DTNA: variants seen among roughly 807,000 people sequenced by gnomAD.
DTNA encodes dystrophin-related protein 3.
In DTNA, 43 loss-of-function variants were observed where a neutral mutation model predicts 100.7. The ratio of observed to expected loss-of-function variants is 0.43; its 90% CI spans 0.33 to 0.55. The LOEUF (loss-of-function observed/expected upper bound fraction) is 0.55. Ranked by LOEUF, DTNA falls within the 20% of genes least tolerant of loss-of-function variation. The probability of loss-of-function intolerance (pLI) is 0.04; values close to 1 mark genes in which losing one functional copy is unlikely to be tolerated. For missense variants in DTNA, 798 were observed against 953.9 expected (o/e 0.84, Z 2.15); for synonymous variants, 349 against 347.9 (o/e 1.00, Z -0.04).
At chr18:34,827,440 G>A (rs1362816010) in intron 9 of DTNA, 153 bp from the exon 10 acceptor site, 1 of 736,080 alleles carries the variant, frequency 1.4e-6, no homozygotes, top group African/African-American at 1.7e-5. Context: ...AAACACTTAA[G>A]GAATTTAATT....
intron 16 of DTNA, among the ~76,000 whole-genome samples, chr18:34,859,279 C>T (rs547389882): frequency 7.2e-5 from 11 of 152,096 alleles, no homozygotes; most frequent in East Asian, 1.9e-4. Context: ...TTGGACAAAA[C>T]GCACAAACAA....
intron 13 of DTNA, among the ~76,000 whole-genome samples, chr18:34,842,964 C>G (rs148890316): frequency 1.3e-5 from 2 of 152,114 alleles, no homozygotes; most frequent in African/African-American, 4.8e-5. Context: ...GGGACCCTCT[C>G]CAACTTGTTC....
intron 1 of DTNA, among the ~76,000 whole-genome samples, chr18:34,592,462 T>A (rs533304960): frequency 4.4e-4 from 46 of 104,144 alleles, no homozygotes; most frequent in African/African-American, 1.8e-3. Context: ...GATATACACT[T>A]GTATAACACA....
At chr18:34,542,938 A>G (rs2044389871) in intron 1 of DTNA, among the ~76,000 whole-genome samples, 1 of 151,996 alleles carries the variant, frequency 6.6e-6, no homozygotes, top group South Asian at 2.1e-4. Context: ...ACATCATACT[A>G]ATGAAAAGTC....
At chr18:34,871,118 G>C (rs538619538) in intron 17 of DTNA, among the ~76,000 whole-genome samples, 1 of 152,206 alleles carries the variant, frequency 6.6e-6, no homozygotes, top group Non-Finnish European at 1.5e-5. Flanking sequence ...CTGAGAGGCA[G>C]ACTCTTCAGG....
intron 1 of DTNA, among the ~76,000 whole-genome samples, chr18:34,541,518 T>C (rs560003242): frequency 9.1e-4 from 139 of 152,068 alleles, no homozygotes; most frequent in African/African-American, 3.3e-3. Flanking sequence ...CCCAACAAGC[T>C]CTCTTGCCTG....
At chr18:34,806,133 C>G (rs1353240605) in intron 4 of DTNA, 86 bp from the exon 5 acceptor site, 12 of 1,168,292 alleles carry the variant, frequency 1.0e-5, no homozygotes, top group Non-Finnish European at 1.3e-5. Flanking sequence ...TAGAAAATGT[C>G]AAACCTTGTT....
At chr18:34,495,344 C>A (rs919771864) in intron 1 of DTNA, among the ~76,000 whole-genome samples, 1 of 152,186 alleles carries the variant, frequency 6.6e-6, no homozygotes, top group Non-Finnish European at 1.5e-5. Flanking sequence ...ATTAAAGTTG[C>A]ATGTCCTACA....
At position 34,871,514 on chromosome 18, in the gene DTNA, T is replaced by C. The variant is rs565181407; in HGVS notation, c.1744-3725T>C. 9.5e-4 allele frequency among the ~76,000 whole-genome samples: 145 copies of C among 152,324 alleles called. 1 individual carries two copies. The highest frequency in any genetic ancestry group is 3.3e-3 in the African/African-American group (138 of 41,574). On this transcript the variant is annotated intron_variant, in intron 17 of 22. Transcript: ENST00000444659. Reference sequence around the variant, plus strand: ...CTTAAGTCTTTGCTCCATTAATCATTGAGTAATTTCCAGGAAAGGATATTC... The same window carrying C: ...CTTAAGTCTTTGCTCCATTAATCATCGAGTAATTTCCAGGAAAGGATATTC...
intron 18 of DTNA, among the ~76,000 whole-genome samples, chr18:34,876,335 G>A: frequency 6.6e-6 from 1 of 152,156 alleles, no homozygotes; most frequent in African/African-American, 2.4e-5. Flanking sequence ...TAAGGCAAAA[G>A]AGATCATAAA....
At chr18:34,605,708 A>G (rs1270677498) in intron 1 of DTNA, among the ~76,000 whole-genome samples, 1 of 152,056 alleles carries the variant, frequency 6.6e-6, no homozygotes, top group Non-Finnish European at 1.5e-5. Context: ...ACACATTAAA[A>G]CACAACTCCA....
intron 3 of DTNA, among the ~76,000 whole-genome samples, chr18:34,782,906 G>T (rs12608251): frequency 0.66 from 99,994 of 152,012 alleles, 34,753 homozygotes; most frequent in East Asian, 0.95. Context: ...TAGGAGGCTT[G>T]CTTCTAAGTA....
chr18:34,776,080 C>T (rs954493831), intron 3 of DTNA, among the ~76,000 whole-genome samples: 4 of 152,280 alleles, frequency 2.6e-5, no homozygotes, highest in African/African-American at 9.6e-5. Flanking sequence ...CTGAATAACC[C>T]TGTAGGTTTA....
intron 1 of DTNA, among the ~76,000 whole-genome samples, chr18:34,740,445 A>G (rs1341399333): frequency 6.6e-6 from 1 of 152,126 alleles, no homozygotes; most frequent in Non-Finnish European, 1.5e-5. Flanking sequence ...ACTTCTTTCC[A>G]TAAATGCAGA....
chr18:34,816,140 G>A (rs986112757), intron 7 of DTNA, 126 bp downstream of exon 7: 7 of 925,354 alleles, frequency 7.6e-6, no homozygotes, highest in Admixed American at 5.8e-5. Flanking sequence ...GTTTTGTTTA[G>A]GGTAGAACTA....
intron 17 of DTNA, among the ~76,000 whole-genome samples, chr18:34,869,393 A>G (rs988283635): frequency 2.6e-5 from 4 of 152,192 alleles, no homozygotes; most frequent in African/African-American, 7.2e-5. Context: ...TTTGAAAAGG[A>G]CTTTTAATTT....
chr18:34,542,446 T>G (rs2044338548), intron 1 of DTNA, among the ~76,000 whole-genome samples: 1 of 152,058 alleles, frequency 6.6e-6, no homozygotes, highest in Admixed American at 6.6e-5. Flanking sequence ...CTATTTCTCC[T>G]TTCTGAACTG....
intron 4 of DTNA, among the ~76,000 whole-genome samples, chr18:34,802,025 T>C (rs889869635): frequency 2.6e-5 from 4 of 152,180 alleles, no homozygotes; most frequent in African/African-American, 9.7e-5. Context: ...ATGCATCCAG[T>C]CTCTCAAACA....
At chr18:34,594,591 A>G (rs942560947) in intron 1 of DTNA, among the ~76,000 whole-genome samples, 6 of 152,242 alleles carry the variant, frequency 3.9e-5, no homozygotes, top group Non-Finnish European at 7.3e-5. Context: ...AGTTGGCTAA[A>G]CTAGGTACAA....
Sources: allele counts gnomAD v4.1 joint callset (sites outside exome capture counted in the v4.1 genomes callset), GRCh38; gene constraint gnomAD v4.1.1; transcripts MANE v1.5; gene names NCBI Gene and HGNC (gene_info 2026-07-23, HGNC 2026-07-21).